The following NRXN1 variants were observed in gnomAD, a reference collection of about 807,000 sequenced individuals.
NRXN1 encodes the protein neurexin-1.
A neutral mutation model predicts 150.9 loss-of-function variants in NRXN1; 39 were observed. The ratio of observed to expected loss-of-function variants is 0.26; its 90% CI spans 0.20 to 0.34. The LOEUF is 0.34. Among genes scored for constraint, NRXN1 ranks in the 10% least tolerant of loss-of-function variants. NRXN1 has a pLI of 1.00. For synonymous variants in NRXN1, 924 were observed against 757.0 expected (o/e 1.22, Z -3.62); for missense variants, 1,815 against 1,949.9 (o/e 0.93, Z 1.30).
chr2:50,931,296 T>C (rs1687711447), intron 2 of NRXN1, among the ~76,000 whole-genome samples: 1 of 152,126 alleles, frequency 6.6e-6, no homozygotes, highest in Non-Finnish European at 1.5e-5. Flanking sequence ...TATTATTCTA[T>C]ACCTGGGTTC....
chr2:50,732,712 G>A (rs1290459008), intron 5 of NRXN1, among the ~76,000 whole-genome samples: 1 of 152,106 alleles, frequency 6.6e-6, no homozygotes, highest in African/African-American at 2.4e-5. Context: ...TTGTGTCAAT[G>A]CAACATATAT....
At chr2:50,298,121 A>G (rs1045209562) in intron 17 of NRXN1, among the ~76,000 whole-genome samples, 1 of 152,162 alleles carries the variant, frequency 6.6e-6, no homozygotes, top group Non-Finnish European at 1.5e-5. Context: ...AGCAAATTCA[A>G]TGATGAAATT....
At chr2:50,327,914 G>T (rs563950144) in intron 17 of NRXN1, among the ~76,000 whole-genome samples, 143 of 152,232 alleles carry the variant, frequency 9.4e-4, no homozygotes, top group African/African-American at 3.2e-3. Flanking sequence ...CTCCCAAAAT[G>T]CTGGGATTAC....
chr2:50,766,535 A>G (rs1227701784), intron 5 of NRXN1, among the ~76,000 whole-genome samples: 2 of 152,018 alleles, frequency 1.3e-5, no homozygotes, highest in African/African-American at 4.8e-5. Flanking sequence ...CTTTCCTTAG[A>G]CAACAAACAG....
At chr2:50,355,864 C>T (rs981364622) in intron 17 of NRXN1, among the ~76,000 whole-genome samples, 1 of 151,978 alleles carries the variant, frequency 6.6e-6, no homozygotes, top group Admixed American at 6.6e-5. Context: ...ATCACCAAAG[C>T]CAACAGAGAA....
chr2:50,488,597 C>T (rs1160803097), intron 15 of NRXN1, among the ~76,000 whole-genome samples: 2 of 152,282 alleles, frequency 1.3e-5, no homozygotes, highest in East Asian at 3.9e-4. Flanking sequence ...CAGCATTGAT[C>T]TTTCTCTGTT....
intron 22 of NRXN1, among the ~76,000 whole-genome samples, chr2:49,943,166 A>T (rs1482492982): frequency 6.6e-6 from 1 of 152,164 alleles, no homozygotes; most frequent in Non-Finnish European, 1.5e-5. Flanking sequence ...AATTTTAGGG[A>T]AACATGGCAA....
intron 15 of NRXN1, among the ~76,000 whole-genome samples, chr2:50,490,597 T>A (rs2091195579): frequency 6.6e-6 from 1 of 151,962 alleles, no homozygotes; most frequent in East Asian, 1.9e-4. Flanking sequence ...TACACAGGAA[T>A]AAAAGCCATA....
chr2:51,017,132 A>T (rs760287597), intron 2 of NRXN1, among the ~76,000 whole-genome samples: 4 of 152,072 alleles, frequency 2.6e-5, no homozygotes, highest in Non-Finnish European at 2.9e-5. Context: ...GAGGGATATC[A>T]TTAGGAGAAA....
At chr2:50,440,401 T>TTTA (rs147029219) in intron 17 of NRXN1, among the ~76,000 whole-genome samples, 8,875 of 151,416 alleles carry the variant, frequency 0.059, 345 homozygotes, top group African/African-American at 0.096. Context: ...GACTATAGTC[T>TTTA]TTATTATTAT....
intron 12 of NRXN1, among the ~76,000 whole-genome samples, chr2:50,525,370 T>C (rs958722215): frequency 2.0e-5 from 3 of 152,212 alleles, no homozygotes; most frequent in Admixed American, 6.5e-5. Flanking sequence ...GACTGTACAG[T>C]CCCTTCCCAT....
chr2:50,760,753 T>C (rs1238013024), intron 5 of NRXN1, among the ~76,000 whole-genome samples: 1 of 151,674 alleles, frequency 6.6e-6, no homozygotes, highest in Non-Finnish European at 1.5e-5. Context: ...GTATGTGGGG[T>C]GGGTGTGTCT....
chr2:50,936,362 ACT>A (rs1688544144), intron 2 of NRXN1, among the ~76,000 whole-genome samples: 1 of 152,154 alleles, frequency 6.6e-6, no homozygotes, highest in Non-Finnish European at 1.5e-5. Context: ...CAGCATCCTG[ACT>A]CAGTACTATC....
intron 21 of NRXN1, among the ~76,000 whole-genome samples, chr2:49,964,996 C>T (rs1437015250): frequency 1.3e-5 from 2 of 151,994 alleles, no homozygotes; most frequent in Non-Finnish European, 2.9e-5. Context: ...AAGTGATTCT[C>T]CCCCTTCAGG....
intron 5 of NRXN1, among the ~76,000 whole-genome samples, chr2:50,751,958 GGAAA>G (rs1385735587): frequency 6.6e-6 from 1 of 151,816 alleles, no homozygotes; most frequent in Non-Finnish European, 1.5e-5. Context: ...GTAAGAATCA[GGAAA>G]GAGTTATTGG....
At chr2:50,419,877 C>A (rs2083837462) in intron 17 of NRXN1, among the ~76,000 whole-genome samples, 1 of 151,956 alleles carries the variant, frequency 6.6e-6, no homozygotes, top group African/African-American at 2.4e-5. Flanking sequence ...TACTTGGTAC[C>A]AATAACACTG....
chr2:50,214,503 T>C (rs1354082920), intron 18 of NRXN1, among the ~76,000 whole-genome samples: 1 of 151,972 alleles, frequency 6.6e-6, no homozygotes, highest in Non-Finnish European at 1.5e-5. Flanking sequence ...GATGTCAACA[T>C]TAGTATGACT....
chr2:50,630,803 C>T (rs1682166260), intron 5 of NRXN1, among the ~76,000 whole-genome samples: 1 of 151,540 alleles, frequency 6.6e-6, no homozygotes, highest in South Asian at 2.1e-4. Context: ...GGTGAGAGCC[C>T]TGCTTCATTT....
intron 18 of NRXN1, among the ~76,000 whole-genome samples, chr2:50,158,984 C>T (rs896887613): frequency 3.3e-5 from 5 of 152,064 alleles, no homozygotes; most frequent in African/African-American, 1.2e-4. Context: ...AAGGTAACTG[C>T]TTTCCCCTAA....
Sources: allele counts gnomAD v4.1 joint callset (sites outside exome capture counted in the v4.1 genomes callset), GRCh38; gene constraint gnomAD v4.1.1; transcripts MANE v1.5; gene names NCBI Gene and HGNC (gene_info 2026-07-23, HGNC 2026-07-21).